EXT1: variants seen among roughly 807,000 people sequenced by gnomAD.
EXT1 encodes the protein exostosin glycosyltransferase 1.
EXT1 carries 20 observed loss-of-function variants against 82.5 expected under a neutral mutation model. The observed-to-expected ratio is 0.24, with a 90% CI of 0.17 to 0.35. The LOEUF (loss-of-function observed/expected upper bound fraction) is 0.35. Among genes scored for constraint, EXT1 ranks in the 10% least tolerant of loss-of-function variants. The pLI is 1.00. For synonymous variants in EXT1, 348 were observed against 350.8 expected (o/e 0.99, Z 0.09); for missense variants, 757 against 936.5 (o/e 0.81, Z 2.50).
At chr8:118,041,838 C>G (rs1816537254) in intron 1 of EXT1, among the ~76,000 whole-genome samples, 2 of 152,028 alleles carry the variant, frequency 1.3e-5, no homozygotes, top group South Asian at 4.1e-4. Flanking sequence ...ATCCCAGCTA[C>G]TTGGGAGGCT....
In EXT1 at chr8:117,835,515, C is replaced by T. The variant is rs1028715003; in HGVS notation, c.1093G>A (p.Glu365Lys). The T allele has an allele frequency of 4.3e-6, 7 of 1,614,146 alleles. No homozygotes were observed. Among genetic ancestry groups the T allele is most frequent in the South Asian group, 2.2e-5 (2 of 91,076 alleles). The change falls in exon 3 of 11, where the codon GAG becomes AAG. Residue 365 changes from glutamate to lysine, a missense_variant. Around this residue, in one of 4 missense-constraint regions of EXT1, gnomAD observed 247 missense variants for 330.1 expected, o/e 0.75. Coordinates refer to ENST00000378204, the MANE Select transcript of EXT1 (RefSeq NM_000127.3). Reference sequence around the variant, plus strand: ...TTAATCACTTCAGAGAATGGCAACTCCCATCCATTGCTGAGCATCACAGGG... The same window carrying T: ...TTAATCACTTCAGAGAATGGCAACTTCCATCCATTGCTGAGCATCACAGGG... ...CVPVMLSNGW[E>K]LPFSEVINWN...
chr8:117,998,691 T>C (rs930933249), intron 1 of EXT1, among the ~76,000 whole-genome samples: 32 of 152,218 alleles, frequency 2.1e-4, no homozygotes, highest in Non-Finnish European at 4.1e-4. Flanking sequence ...AGGTGTTCTG[T>C]GCCCATCACA....
chr8:117,867,598 T>C (rs568004539), intron 1 of EXT1, among the ~76,000 whole-genome samples: 1 of 152,298 alleles, frequency 6.6e-6, no homozygotes, highest in East Asian at 1.9e-4. Flanking sequence ...CCTGGCTGGA[T>C]TGGAAACTTG....
chr8:117,863,751 G>A (rs893617080), intron 1 of EXT1, among the ~76,000 whole-genome samples: 41 of 152,032 alleles, frequency 2.7e-4, no homozygotes, highest in African/African-American at 5.3e-4. Context: ...CCTTCCTCTC[G>A]CGGGCACTTC....
chr8:117,803,971 G>C (rs1389792694), intron 10 of EXT1, among the ~76,000 whole-genome samples: 1 of 152,134 alleles, frequency 6.6e-6, no homozygotes, highest in Non-Finnish European at 1.5e-5. Context: ...ATGTCACCAA[G>C]ACACAATTCA....
At chr8:117,822,655 A>T (rs1475103819) in intron 4 of EXT1, 58 bp from the exon 5 acceptor site, 17 of 1,596,170 alleles carry the variant, frequency 1.1e-5, no homozygotes, top group Non-Finnish European at 1.5e-5. Context: ...TTTGGAAAGG[A>T]TGATGCTCAA....
chr8:117,835,176 G>A lies in EXT1; in HGVS notation c.1164+268C>T, dbSNP rs548620526. ...TTCTAAAAATTCTGGTTATTGAAAG[G>A]GGTGGAGATCCACTTCTTCTTGAAA... On this transcript the variant is annotated intron_variant, in intron 3 of 10. Coordinates refer to ENST00000378204, the MANE Select transcript of EXT1 (RefSeq NM_000127.3). Among the ~76,000 whole-genome samples the A allele has an allele frequency of 8.5e-4, 129 of 152,148 alleles. 1 individual carries two copies. The highest frequency in any genetic ancestry group is 1.6e-3 in the Non-Finnish European group (106 of 68,042).
chr8:117,852,496 A>G (rs1309793791), intron 1 of EXT1, among the ~76,000 whole-genome samples: 1 of 152,166 alleles, frequency 6.6e-6, no homozygotes, highest in Non-Finnish European at 1.5e-5. Flanking sequence ...TGCTATATTT[A>G]TCTCAGCCAG....
At chr8:117,900,613 T>C (rs1178949440) in intron 1 of EXT1, among the ~76,000 whole-genome samples, 4 of 152,182 alleles carry the variant, frequency 2.6e-5, no homozygotes, top group Admixed American at 6.5e-5. Flanking sequence ...AGCTGCTATA[T>C]TTGCCAAGTT....
chr8:117,926,214 G>C (rs12171663), intron 1 of EXT1, among the ~76,000 whole-genome samples: 3 of 152,290 alleles, frequency 2.0e-5, no homozygotes, highest in South Asian at 2.1e-4. Flanking sequence ...TTATTCTCTA[G>C]ATCATTTGAG....
intron 4 of EXT1, among the ~76,000 whole-genome samples, chr8:117,828,023 A>T (rs978980051): frequency 5.9e-5 from 9 of 152,070 alleles, no homozygotes; most frequent in Admixed American, 3.9e-4. Context: ...AATATCATAT[A>T]GTCATTAAAT....
At chr8:117,819,458 T>C (rs552511058) in intron 6 of EXT1, among the ~76,000 whole-genome samples, 30 of 152,368 alleles carry the variant, frequency 2.0e-4, no homozygotes, top group African/African-American at 7.0e-4. Context: ...AAGGTCTCTC[T>C]GTAACCCATC....
chr8:117,998,355 G>A (rs899454554), intron 1 of EXT1, among the ~76,000 whole-genome samples: 2 of 152,082 alleles, frequency 1.3e-5, no homozygotes, highest in Non-Finnish European at 2.9e-5. Context: ...TGTTACCCAG[G>A]CTGGAGTACA....
intron 1 of EXT1, among the ~76,000 whole-genome samples, chr8:118,031,699 C>T (rs993783961): frequency 4.6e-5 from 7 of 151,914 alleles, no homozygotes; most frequent in Non-Finnish European, 7.4e-5. Context: ...GTCCTATCCC[C>T]GAGAAGTAAA....
At chr8:118,016,537 G>A (rs1404534808) in intron 1 of EXT1, among the ~76,000 whole-genome samples, 1 of 152,230 alleles carries the variant, frequency 6.6e-6, no homozygotes, top group Non-Finnish European at 1.5e-5. Flanking sequence ...GGAGGTAAAG[G>A]GGAAGGCCAC....
At position 117,804,617 on chromosome 8, in the gene EXT1, C is replaced by T. The variant is rs945382054; in HGVS notation, c.2055+105G>A. 4 of 1,269,550 alleles carry T rather than the reference C, an allele frequency of 3.2e-6. No individual in the cohort carries two copies. The African/African-American group carries it at 5.9e-5, about 19-fold the overall frequency. The allele number at this position is 1,269,550 out of a possible 1,614,324, so 78.6% of individuals were successfully genotyped here. A position where few individuals can be genotyped will look rare whatever the true frequency, so the allele number is the denominator to read the frequency against. Reference sequence around the variant, plus strand: ...ATGTAGTTCATTCCTGGTTTCTCCTCATTATATGCTCCTGGGTGGAACAGC... The same window carrying T: ...ATGTAGTTCATTCCTGGTTTCTCCTTATTATATGCTCCTGGGTGGAACAGC... On this transcript the variant is annotated intron_variant, in intron 10 of 10. Coordinates refer to ENST00000378204, the MANE Select transcript of EXT1 (RefSeq NM_000127.3).
chr8:117,886,893 A>G (rs1586264745), intron 1 of EXT1, among the ~76,000 whole-genome samples: 2 of 152,324 alleles, frequency 1.3e-5, no homozygotes, highest in Middle Eastern at 6.8e-3. Context: ...TTAAGATTTA[A>G]AAAAAGAAAA....
At chr8:118,021,508 G>A (rs1392877777) in intron 1 of EXT1, among the ~76,000 whole-genome samples, 3 of 152,184 alleles carry the variant, frequency 2.0e-5, no homozygotes, top group African/African-American at 7.2e-5. Flanking sequence ...TATAAGCACT[G>A]TAAAATGAAC....
At chr8:117,984,547 G>C (rs1000405490) in intron 1 of EXT1, among the ~76,000 whole-genome samples, 1 of 152,154 alleles carries the variant, frequency 6.6e-6, no homozygotes, top group Admixed American at 6.5e-5. Flanking sequence ...GATACCTTGG[G>C]AAGAGTGGTC....
Sources: allele counts gnomAD v4.1 joint callset (sites outside exome capture counted in the v4.1 genomes callset), GRCh38; gene constraint gnomAD v4.1.1; regional missense constraint gnomAD v4.1.1; transcripts MANE v1.5; gene names NCBI Gene and HGNC (gene_info 2026-07-23, HGNC 2026-07-21).